The following GABRG3 variants were observed in gnomAD, a reference collection of about 807,000 sequenced individuals.
The protein encoded by GABRG3 is gamma-aminobutyric acid type A receptor subunit gamma3.
GABRG3 carries 25 observed loss-of-function variants against 48.8 expected under a neutral mutation model. The ratio of observed to expected loss-of-function variants is 0.51; its 90% CI spans 0.37 to 0.72. GABRG3 has a LOEUF of 0.72. Among genes scored for constraint, GABRG3 ranks in the 30% least tolerant of loss-of-function variants. The probability of loss-of-function intolerance (pLI) is 0.00; values close to 1 mark genes in which losing one functional copy is unlikely to be tolerated. For synonymous variants in GABRG3, 227 were observed against 217.6 expected (o/e 1.04, Z -0.38); for missense variants, 394 against 577.9 (o/e 0.68, Z 3.26).
At chr15:27,335,111 C>G (rs66551835) in intron 5 of GABRG3, among the ~76,000 whole-genome samples, 6,420 of 147,012 alleles carry the variant, frequency 0.044, 213 homozygotes, top group South Asian at 0.11. Context: ...CTGATGGGCA[C>G]TTGGCTTGCT....
intron 3 of GABRG3, among the ~76,000 whole-genome samples, chr15:27,216,116 G>T (rs1407391471): frequency 6.6e-6 from 1 of 152,154 alleles, no homozygotes; most frequent in Non-Finnish European, 1.5e-5. Flanking sequence ...GCAGCATGTT[G>T]CCCAGAGCAG....
intron 5 of GABRG3, among the ~76,000 whole-genome samples, chr15:27,463,455 G>T (rs1189590455): frequency 6.6e-6 from 1 of 152,282 alleles, no homozygotes. Flanking sequence ...CCGAAGTGTG[G>T]ATCTTTAACA....
chr15:27,499,059 T>C (rs1890556382), intron 6 of GABRG3, among the ~76,000 whole-genome samples: 2 of 152,216 alleles, frequency 1.3e-5, no homozygotes, highest in African/African-American at 4.8e-5. Context: ...CCTCGTCAGT[T>C]GCAGTGGTGC....
rs182646563 is a variant in GABRG3, at chr15:27,201,637, G to A, written c.271-125172G>A. Among the ~76,000 whole-genome samples the A allele has an allele frequency of 6.5e-3, 990 of 152,168 alleles. 35 individuals are homozygous for A. Among genetic ancestry groups the A allele is most frequent in the Non-Finnish European group, 1.4e-3 (94 of 68,006 alleles). On this transcript the variant is annotated intron_variant, in intron 3 of 9. Coordinates refer to ENST00000615808, the MANE Select transcript of GABRG3 (RefSeq NM_033223.5). Reference sequence around the variant, plus strand: ...CGCTATTACACAGCATCCCTATAGGGTGTGTAGGAGCTGACTTCAGCCAAG... The same window carrying A: ...CGCTATTACACAGCATCCCTATAGGATGTGTAGGAGCTGACTTCAGCCAAG...
chr15:26,982,032 T>C (rs1204242734), intron 2 of GABRG3, among the ~76,000 whole-genome samples: 1 of 152,228 alleles, frequency 6.6e-6, no homozygotes, highest in Non-Finnish European at 1.5e-5. Flanking sequence ...AAAATGACTC[T>C]TAACTTTTCC....
intron 3 of GABRG3, among the ~76,000 whole-genome samples, chr15:27,298,242 A>G (rs1415652924): frequency 2.0e-5 from 3 of 152,202 alleles, no homozygotes; most frequent in African/African-American, 7.2e-5. Context: ...TCAGGAATCT[A>G]GGCTGAAAGT....
intron 5 of GABRG3, among the ~76,000 whole-genome samples, chr15:27,417,576 A>T (rs1267429037): frequency 6.6e-6 from 1 of 152,088 alleles, no homozygotes; most frequent in Non-Finnish European, 1.5e-5. Flanking sequence ...TCCACAGCTC[A>T]TCGGCCTTCA....
intron 3 of GABRG3, among the ~76,000 whole-genome samples, chr15:27,168,365 C>T (rs1566953104): frequency 6.6e-6 from 1 of 152,174 alleles, no homozygotes; most frequent in Admixed American, 6.5e-5. Context: ...TCGCCCCACA[C>T]ATGTCTGAAC....
intron 3 of GABRG3, among the ~76,000 whole-genome samples, chr15:27,056,353 C>CAAAAAAAA (rs58665097): frequency 1.7e-5 from 1 of 57,154 alleles, no homozygotes. Flanking sequence ...ACCCTGTCTC[C>CAAAAAAAA]AAAAAAAAAA....
intron 3 of GABRG3, among the ~76,000 whole-genome samples, chr15:27,081,932 A>T (rs1896999235): frequency 6.6e-6 from 1 of 152,210 alleles, no homozygotes; most frequent in African/African-American, 2.4e-5. Flanking sequence ...CACTGAATTG[A>T]GTTCTAATCT....
intron 3 of GABRG3, among the ~76,000 whole-genome samples, chr15:27,044,578 A>T (rs1896331433): frequency 6.6e-6 from 1 of 152,250 alleles, no homozygotes; most frequent in Non-Finnish European, 1.5e-5. Flanking sequence ...CATAATGATA[A>T]AGTACAATGC....
At chr15:27,003,660 C>G (rs1216956841) in intron 2 of GABRG3, among the ~76,000 whole-genome samples, 1 of 152,214 alleles carries the variant, frequency 6.6e-6, no homozygotes, top group Non-Finnish European at 1.5e-5. Flanking sequence ...ATTTCTCAAT[C>G]TTTTCCCCAC....
intron 6 of GABRG3, among the ~76,000 whole-genome samples, chr15:27,482,631 C>T (rs1435760118): frequency 5.6e-5 from 7 of 125,776 alleles, no homozygotes; most frequent in Admixed American, 3.1e-4. Flanking sequence ...CACTTACTTA[C>T]ATAATCCCTT....
chr15:27,272,863 A>T (rs932500959), intron 3 of GABRG3, among the ~76,000 whole-genome samples: 2 of 152,270 alleles, frequency 1.3e-5, no homozygotes, highest in Non-Finnish European at 2.9e-5. Context: ...AAGTGTTTTC[A>T]CTAAAATATT....
At position 27,257,705 on chromosome 15, in the gene GABRG3, C is replaced by T. The variant is rs117564016; in HGVS notation, c.271-69104C>T. Among the ~76,000 whole-genome samples the T allele has an allele frequency of 6.0e-3, 906 of 152,212 alleles. 4 individuals are homozygous for T. The highest frequency in any genetic ancestry group is 0.011 in the Non-Finnish European group (715 of 68,018). The stretch of plus-strand genomic sequence containing the variant: ...AAAAAATTTTAGACACATGGTTTTG[C>T]TCTGTTGCCCAGGCTGGGGTGCAGT... On this transcript the variant is annotated intron_variant, in intron 3 of 9. Coordinates refer to ENST00000615808, the MANE Select transcript of GABRG3 (RefSeq NM_033223.5).
chr15:27,453,627 A>C (rs906298013), intron 5 of GABRG3, among the ~76,000 whole-genome samples: 12 of 152,168 alleles, frequency 7.9e-5, no homozygotes, highest in Admixed American at 4.6e-4. Flanking sequence ...GTTTAGACAG[A>C]GTTTCACTCT....
rs896931373 is a variant in GABRG3 at position 27,039,677 on chromosome 15, C to T, written c.270+12856C>T. On this transcript the variant is annotated intron_variant, in intron 3 of 9. Transcript: ENST00000615808. Reference sequence around the variant, plus strand: ...ACCCACTGTTTCCTGACAGTGCATGCAGTTGTCAGGAAAGCACAGAACTTT... The same window carrying T: ...ACCCACTGTTTCCTGACAGTGCATGTAGTTGTCAGGAAAGCACAGAACTTT... 2.6e-5 allele frequency among the ~76,000 whole-genome samples: 4 copies of T among 152,212 alleles called. No homozygotes were observed. In the East Asian group the frequency reaches 5.8e-4, roughly 22 times the overall value.
intron 3 of GABRG3, among the ~76,000 whole-genome samples, chr15:27,293,315 G>T (rs940990716): frequency 6.6e-6 from 1 of 152,064 alleles, no homozygotes; most frequent in African/African-American, 2.4e-5. Context: ...TGATAAAAAA[G>T]AAAAAATATA....
intron 5 of GABRG3, among the ~76,000 whole-genome samples, chr15:27,338,674 C>T (rs1036039812): frequency 1.2e-4 from 19 of 152,270 alleles, no homozygotes; most frequent in African/African-American, 4.6e-4. Flanking sequence ...TTGTTCCCTC[C>T]AGACAGTAAG....
Sources: gnomAD v4.1 joint callset for allele counts (sites outside exome capture counted in the v4.1 genomes callset) on GRCh38, gnomAD v4.1.1 for gene constraint, MANE v1.5 for transcripts, NCBI Gene and HGNC (gene_info 2026-07-23, HGNC 2026-07-21) for gene names.